The following RFTN1 variants were observed in gnomAD, a reference collection of about 807,000 sequenced individuals.
RFTN1 encodes the protein raftlin, lipid raft linker 1, also known as raftlin.
RFTN1 carries 26 observed loss-of-function variants against 46.5 expected under a neutral mutation model. That is an observed-to-expected ratio of 0.56 (90% confidence interval 0.41 to 0.78). The LOEUF (loss-of-function observed/expected upper bound fraction) is 0.78. Ranked by LOEUF, RFTN1 falls within the 30% of genes least tolerant of loss-of-function variation. RFTN1 has a pLI of 0.00. For missense variants in RFTN1, 693 were observed against 718.7 expected (o/e 0.96, Z 0.41); for synonymous variants, 261 against 284.2 (o/e 0.92, Z 0.82).
At chr3:16,487,593 T>C (rs1328269718) in intron 2 of RFTN1, among the ~76,000 whole-genome samples, 5 of 152,252 alleles carry the variant, frequency 3.3e-5, no homozygotes, top group African/African-American at 9.6e-5. Flanking sequence ...ATGTGGCTGG[T>C]GGCTCCTGTA....
At position 16,450,867 on chromosome 3, in the gene RFTN1, C is replaced by G. The variant is rs913955414; in HGVS notation, c.146-16830G>C. Reference sequence around the variant, plus strand: ...GATGGCAAAGACAGCTCCTAGGTCTCTGGTTTGCATGGACCTGAACAGATA... The same window carrying G: ...GATGGCAAAGACAGCTCCTAGGTCTGTGGTTTGCATGGACCTGAACAGATA... On this transcript the variant is annotated intron_variant, in intron 2 of 9. Transcript: ENST00000334133. The surrounding 1 kb of genome is among the most constrained non-coding windows in gnomAD (Gnocchi z 4.6). Among the ~76,000 whole-genome samples, 3 of 151,946 alleles carry G rather than the reference C, an allele frequency of 2.0e-5. No individual in the cohort carries two copies. The highest frequency in any genetic ancestry group is 2.0e-4 in the Admixed American group (3 of 15,256).
At chr3:16,396,884 G>A (rs894061172) in intron 4 of RFTN1, among the ~76,000 whole-genome samples, 1 of 152,032 alleles carries the variant, frequency 6.6e-6, no homozygotes, top group Admixed American at 6.6e-5. Flanking sequence ...CCAACATGGC[G>A]AAATCCCGTT....
chr3:16,393,658 TTTTTAA>T (rs1315793574), intron 4 of RFTN1, among the ~76,000 whole-genome samples: 15 of 136,546 alleles, frequency 1.1e-4, no homozygotes, highest in African/African-American at 5.3e-4. Context: ...GGACTTTTTT[TTTTTAA>T]TTTTTTTTTT....
At chr3:16,486,936 G>A (rs761936232) in intron 2 of RFTN1, among the ~76,000 whole-genome samples, 4 of 152,158 alleles carry the variant, frequency 2.6e-5, no homozygotes, top group Non-Finnish European at 4.4e-5. Flanking sequence ...GCTTGTGCTC[G>A]CTCCTGTTCT....
At position 16,484,209 on chromosome 3, in the gene RFTN1, C is replaced by T. The variant is rs1312263312; in HGVS notation, c.145+9516G>A. 6.6e-6 allele frequency among the ~76,000 whole-genome samples: 1 copy of T among 151,970 alleles called. No homozygotes were observed. Among genetic ancestry groups the T allele is most frequent in the East Asian group, 1.9e-4 (1 of 5,186 alleles). ...CCATTTTTTTAGATTAGTCTTTTTC[C>T]CAGCCGTGAAGGGAGACTGAAAGGA... On this transcript the variant is annotated intron_variant, in intron 2 of 9. Coordinates refer to ENST00000334133, the MANE Select transcript of RFTN1 (RefSeq NM_015150.2). This position sits in a 1 kb window ranked among gnomAD's most constrained non-coding sequence, Gnocchi z 4.6.
rs3054563 is a variant in RFTN1, at chr3:16,433,185, T to TGA, written c.332+665_332+666insTC. On this transcript the variant is annotated intron_variant, in intron 3 of 9. Transcript: ENST00000334133. The surrounding 1 kb of genome is among the most constrained non-coding windows in gnomAD (Gnocchi z 4.4). Reference sequence around the variant, plus strand: ...TCCCATCCTCACTGTTTTTTTTTTTTAAAAAAATTAATATTGTTCCTTTTG... The same window carrying TGA: ...TCCCATCCTCACTGTTTTTTTTTTTTGAAAAAAAATTAATATTGTTCCTTTTG... Among the ~76,000 whole-genome samples the TGA allele has an allele frequency of 6.7e-6, 1 of 150,152 alleles. No homozygotes were observed. Among genetic ancestry groups the TGA allele is most frequent in the Non-Finnish European group, 1.5e-5 (1 of 67,642 alleles).
At chr3:16,401,279 G>C (rs1575225697) in intron 4 of RFTN1, among the ~76,000 whole-genome samples, 1 of 147,982 alleles carries the variant, frequency 6.8e-6, no homozygotes, top group South Asian at 2.2e-4. Context: ...AGCTGTTATT[G>C]TGCCACTGTA....
rs897591909 is a variant in RFTN1 at position 16,336,916 on chromosome 3, T to G, written c.1147-10040A>C. ...TTGTTTGGAAGAATGGTGTCTATTA[T>G]GACTTCCCTGTGTCCAGGCCACTTT... is the stretch of plus-strand genomic sequence containing the variant. On this transcript the variant is annotated intron_variant, in intron 7 of 9. Coordinates refer to ENST00000334133, the MANE Select transcript of RFTN1 (RefSeq NM_015150.2). The surrounding 1 kb of genome is among the most constrained non-coding windows in gnomAD (Gnocchi z 6.0). Among the ~76,000 whole-genome samples, 1 of 152,234 alleles carries G rather than the reference T, an allele frequency of 6.6e-6. No individual in the cohort carries two copies. The highest frequency in any genetic ancestry group is 1.5e-5 in the Non-Finnish European group (1 of 68,032).
At chr3:16,319,050 C>G (rs2068747300) in intron 9 of RFTN1, among the ~76,000 whole-genome samples, 1 of 152,232 alleles carries the variant, frequency 6.6e-6, no homozygotes. Flanking sequence ...AGTTTCCAGG[C>G]ACCGTGTTAT....
Position 16,474,971 on chromosome 3 carries a change from C to T in RFTN1, c.145+18754G>A, listed in dbSNP as rs1362855779. On this transcript the variant is annotated intron_variant, in intron 2 of 9. Coordinates refer to ENST00000334133, the MANE Select transcript of RFTN1 (RefSeq NM_015150.2). The surrounding 1 kb of genome is among the most constrained non-coding windows in gnomAD (Gnocchi z 5.5). The stretch of plus-strand genomic sequence containing the variant: ...TCTCATATTGATATTTGATCTCCCA[C>T]GTTGGAGGTGGGGCCTAGTGGGAGG... Among the ~76,000 whole-genome samples the T allele has an allele frequency of 1.3e-5, 2 of 152,194 alleles. No individual in the cohort carries two copies. The highest frequency in any genetic ancestry group is 2.9e-5 in the Non-Finnish European group (2 of 68,038).
rs1031146584 is a variant in RFTN1, at chr3:16,338,904, G to A, written c.1147-12028C>T. Among the ~76,000 whole-genome samples, 2 of 152,216 alleles carry A rather than the reference G, an allele frequency of 1.3e-5. No homozygotes were observed. The highest frequency in any genetic ancestry group is 2.9e-5 in the Non-Finnish European group (2 of 68,034). ...AATTCTAGAACCCAAAACTGTCAAC[G>A]TTGTCCCCTCCACCTGTCAGCAGTG... On this transcript the variant is annotated intron_variant, in intron 7 of 9. Transcript: ENST00000334133. The surrounding 1 kb of genome is among the most constrained non-coding windows in gnomAD (Gnocchi z 5.3).
At chr3:16,511,822 A>G (rs2076906809) in intron 1 of RFTN1, among the ~76,000 whole-genome samples, 1 of 152,144 alleles carries the variant, frequency 6.6e-6, no homozygotes, top group Non-Finnish European at 1.5e-5. Context: ...CCAATTTATT[A>G]TCTTTCAATT....
Position 16,351,980 on chromosome 3 carries a change from T to C in RFTN1, c.1146+5952A>G, listed in dbSNP as rs2072134944. On this transcript the variant is annotated intron_variant, in intron 7 of 9. Transcript: ENST00000334133. This position sits in a 1 kb window ranked among gnomAD's most constrained non-coding sequence, Gnocchi z 5.4. Reference sequence around the variant, plus strand: ...TGTAGCCAGCACACTTTGGGTGTGGTTTATATGAGAAAGATGAGGCAGAAC... The same window carrying C: ...TGTAGCCAGCACACTTTGGGTGTGGCTTATATGAGAAAGATGAGGCAGAAC... 6.6e-6 allele frequency among the ~76,000 whole-genome samples: 1 copy of C among 152,164 alleles called. No individual in the cohort carries two copies. Among genetic ancestry groups the C allele is most frequent in the Admixed American group, 6.5e-5 (1 of 15,276 alleles).
chr3:16,379,602 C>G (rs2125381207), intron 4 of RFTN1, among the ~76,000 whole-genome samples: 1 of 152,314 alleles, frequency 6.6e-6, no homozygotes, highest in South Asian at 2.1e-4. Context: ...TCACAAGACT[C>G]AGTGGACACA....
At chr3:16,461,281 C>T (rs1367563997) in intron 2 of RFTN1, among the ~76,000 whole-genome samples, 2 of 152,202 alleles carry the variant, frequency 1.3e-5, no homozygotes, top group Non-Finnish European at 2.9e-5. Flanking sequence ...CACAAAGGAG[C>T]TGATCTCCTC....
rs758024675 is a variant in RFTN1, at chr3:16,402,525, T to C, written c.441+6850A>G. Among the ~76,000 whole-genome samples, 6 of 152,180 alleles carry C rather than the reference T, an allele frequency of 3.9e-5. No homozygotes were observed. The highest frequency in any genetic ancestry group is 7.3e-5 in the Non-Finnish European group (5 of 68,030). On this transcript the variant is annotated intron_variant, in intron 4 of 9. Coordinates refer to ENST00000334133, the MANE Select transcript of RFTN1 (RefSeq NM_015150.2). The surrounding 1 kb of genome is among the most constrained non-coding windows in gnomAD (Gnocchi z 4.5). ...GCACAGGAGAGCCTTTTTAACATAA[T>C]TTTCATTTCACTCTGAATTGGCATC...
chr3:16,420,523 C>G (rs551046454), intron 3 of RFTN1, among the ~76,000 whole-genome samples: 1 of 152,338 alleles, frequency 6.6e-6, no homozygotes, highest in East Asian at 1.9e-4. Flanking sequence ...AGCCTCTTCT[C>G]TACGTGCATT....
At chr3:16,455,955 C>T (rs974666861) in intron 2 of RFTN1, among the ~76,000 whole-genome samples, 3 of 151,964 alleles carry the variant, frequency 2.0e-5, no homozygotes, top group South Asian at 2.1e-4. Context: ...TCACATCCCC[C>T]GACACCTCCC....
intron 2 of RFTN1, among the ~76,000 whole-genome samples, chr3:16,461,909 TATACTC>T (rs1352391000): frequency 1.3e-5 from 2 of 152,240 alleles, no homozygotes; most frequent in Admixed American, 6.5e-5. Flanking sequence ...TAAAATTTGT[TATACTC>T]TTAATAATCC....
Sources: allele counts gnomAD v4.1 joint callset (sites outside exome capture counted in the v4.1 genomes callset), GRCh38; gene constraint gnomAD v4.1.1; non-coding constraint Gnocchi (gnomAD v3.1); transcripts MANE v1.5; gene names NCBI Gene and HGNC (gene_info 2026-07-23, HGNC 2026-07-21).